Variants in RGL1 observed in about 807,000 individuals in gnomAD.
RGL1 encodes the protein ral guanine nucleotide dissociation stimulator-like 1.
RGL1 carries 24 observed loss-of-function variants against 95.2 expected under a neutral mutation model. That is an observed-to-expected ratio of 0.25 (90% confidence interval 0.18 to 0.35). The LOEUF is 0.35. Among genes scored for constraint, RGL1 ranks in the 10% least tolerant of loss-of-function variants. The probability of loss-of-function intolerance (pLI) is 1.00; values close to 1 mark genes in which losing one functional copy is unlikely to be tolerated. For missense variants in RGL1, 715 were observed against 936.3 expected (o/e 0.76, Z 3.08); for synonymous variants, 329 against 344.9 (o/e 0.95, Z 0.51).
At chr1:183,905,854 T>C (rs1440506301) in intron 13 of RGL1, among the ~76,000 whole-genome samples, 1 of 152,230 alleles carries the variant, frequency 6.6e-6, no homozygotes, top group Non-Finnish European at 1.5e-5. Flanking sequence ...GAAACAGTTA[T>C]TTGAAATTCA....
chr1:183,748,013 CTTG>C (rs1205559574), intron 2 of RGL1, among the ~76,000 whole-genome samples: 2 of 152,230 alleles, frequency 1.3e-5, no homozygotes, highest in African/African-American at 4.8e-5. Flanking sequence ...AATTTCAGAA[CTTG>C]TTATTGGTCT....
chr1:183,864,648 G>C (rs1028317665), intron 3 of RGL1, among the ~76,000 whole-genome samples: 1 of 152,202 alleles, frequency 6.6e-6, no homozygotes, highest in Non-Finnish European at 1.5e-5. Flanking sequence ...GCAAAGGGTA[G>C]CCCTGGAAGC....
At chr1:183,659,682 A>G (rs1198004857) in intron 1 of RGL1, among the ~76,000 whole-genome samples, 1 of 152,024 alleles carries the variant, frequency 6.6e-6, no homozygotes, top group Admixed American at 6.5e-5. Context: ...GCAGGCCAAC[A>G]TTCAGATTCA....
intron 2 of RGL1, among the ~76,000 whole-genome samples, chr1:183,776,797 C>T (rs1030890361): frequency 6.6e-6 from 1 of 152,204 alleles, no homozygotes; most frequent in African/African-American, 2.4e-5. Context: ...GGCCATGAAG[C>T]TTTGTACCTC....
chr1:183,824,890 GA>G (rs35753469), intron 2 of RGL1, among the ~76,000 whole-genome samples: 114,564 of 152,068 alleles, frequency 0.75, 43,252 homozygotes, highest in Middle Eastern at 0.82. Flanking sequence ...ACCTGTACAA[GA>G]AATGTAATCA....
At chr1:183,870,697 A>C (rs1363144932) in intron 4 of RGL1, among the ~76,000 whole-genome samples, 1 of 152,186 alleles carries the variant, frequency 6.6e-6, no homozygotes, top group Non-Finnish European at 1.5e-5. Context: ...ATCTGACCTT[A>C]AATGTCAATA....
intron 17 of RGL1, among the ~76,000 whole-genome samples, chr1:183,923,454 ATAATTC>A (rs1316895376): frequency 1.3e-5 from 2 of 152,190 alleles, no homozygotes; most frequent in African/African-American, 4.8e-5. Context: ...AATTATAATT[ATAATTC>A]TAAGCCTAAA....
intron 14 of RGL1, among the ~76,000 whole-genome samples, chr1:183,908,794 A>G (rs969652327): frequency 2.0e-5 from 3 of 152,198 alleles, no homozygotes; most frequent in Non-Finnish European, 4.4e-5. Context: ...AAGGAAAAAA[A>G]CAAAAATTCT....
intron 16 of RGL1, among the ~76,000 whole-genome samples, chr1:183,917,357 C>T (rs773597731): frequency 6.6e-6 from 1 of 152,132 alleles, no homozygotes; most frequent in African/African-American, 2.4e-5. Flanking sequence ...CCTCTCATGG[C>T]GATAACCTTG....
intron 1 of RGL1, among the ~76,000 whole-genome samples, chr1:183,660,535 C>T (rs12035425): frequency 0.059 from 8,764 of 149,202 alleles, 451 homozygotes; most frequent in African/African-American, 0.14. Context: ...ACACCCAATA[C>T]AGGACCACCC....
intron 2 of RGL1, among the ~76,000 whole-genome samples, chr1:183,793,992 A>G (rs1660564766): frequency 6.6e-6 from 1 of 152,076 alleles, no homozygotes; most frequent in Non-Finnish European, 1.5e-5. Context: ...CACTATTCAT[A>G]ATAGCCACGA....
chr1:183,913,024 G>A (rs1232684338), intron 15 of RGL1, among the ~76,000 whole-genome samples: 1 of 152,098 alleles, frequency 6.6e-6, no homozygotes, highest in Non-Finnish European at 1.5e-5. Context: ...GAAGATGAGG[G>A]ATTGGTAACA....
intron 15 of RGL1, 45 bp from the exon 16 acceptor site, chr1:183,916,402 C>T (rs1030600287): frequency 6.2e-6 from 10 of 1,600,038 alleles, no homozygotes; most frequent in Admixed American, 5.1e-5. Context: ...AGCTGTTGGC[C>T]AGCGTTCTAA....
chr1:183,798,135 GT>G (rs1006138159), intron 2 of RGL1, among the ~76,000 whole-genome samples: 13 of 152,158 alleles, frequency 8.5e-5, no homozygotes, highest in Non-Finnish European at 1.5e-4. Context: ...GTACTAAGGT[GT>G]GGAATGGAAA....
At chr1:183,714,815 C>T (rs1655511675) in intron 1 of RGL1, among the ~76,000 whole-genome samples, 1 of 152,166 alleles carries the variant, frequency 6.6e-6, no homozygotes, top group South Asian at 2.1e-4. Flanking sequence ...CCTGAAAGAG[C>T]TTGATGGGTC....
chr1:183,790,743 G>T (rs965870875), intron 2 of RGL1, among the ~76,000 whole-genome samples: 1 of 152,092 alleles, frequency 6.6e-6, no homozygotes, highest in African/African-American at 2.4e-5. Context: ...TGGCTATAAG[G>T]TTGCCACAAA....
At chr1:183,801,703 C>T (rs1358420736), upstream of RGL1, among the ~76,000 whole-genome samples, 1 of 152,172 alleles carries the variant, frequency 6.6e-6, no homozygotes. Flanking sequence ...AAGCTGTACA[C>T]AAGAAGCATG....
chr1:183,891,306 A>G (rs925774749), intron 8 of RGL1, among the ~76,000 whole-genome samples: 2 of 152,116 alleles, frequency 1.3e-5, no homozygotes, highest in African/African-American at 4.8e-5. Context: ...GTGTAGAGAA[A>G]ACCATGAGGC....
chr1:183,874,288 T>A (rs1666358520), intron 4 of RGL1, among the ~76,000 whole-genome samples: 1 of 152,210 alleles, frequency 6.6e-6, no homozygotes, highest in African/African-American at 2.4e-5. Flanking sequence ...GGCCTTAACC[T>A]CTGTGCTGCA....
Sources: gnomAD v4.1 joint callset for allele counts (sites outside exome capture counted in the v4.1 genomes callset) on GRCh38, gnomAD v4.1.1 for gene constraint, MANE v1.5 for transcripts, NCBI Gene and HGNC (gene_info 2026-07-23, HGNC 2026-07-21) for gene names.